Variants in CEP63 observed in about 807,000 individuals in gnomAD.
CEP63 encodes centrosomal protein of 63 kDa.
In CEP63, 84 loss-of-function variants were observed where a neutral mutation model predicts 89.1. That is an observed-to-expected ratio of 0.94 (90% CI 0.79 to 1.13). CEP63 has a LOEUF of 1.13. Among genes scored for constraint, CEP63 ranks in the 50% most tolerant of loss-of-function variants. The probability of loss-of-function intolerance (pLI) is 0.00; values close to 1 mark genes in which losing one functional copy is unlikely to be tolerated. For synonymous variants in CEP63, 267 were observed against 272.5 expected (o/e 0.98, Z 0.20); for missense variants, 838 against 813.3 (o/e 1.03, Z -0.37).
chr3:134,642,611 G>A, the CEP63 span, among the ~76,000 whole-genome samples: 1 of 152,154 alleles, frequency 6.6e-6, no homozygotes, highest in South Asian at 2.1e-4. Flanking sequence ...CCCAATGAAG[G>A]TGCCTCTCAC....
At chr3:134,591,658 C>A (rs988089996), downstream of CEP63, among the ~76,000 whole-genome samples, 1 of 151,974 alleles carries the variant, frequency 6.6e-6, no homozygotes, top group Non-Finnish European at 1.5e-5. Context: ...GAGTTCAAGA[C>A]CAGCCTGGGC....
the CEP63 span, chr3:134,627,822 C>A: frequency 6.2e-7 from 1 of 1,610,842 alleles, no homozygotes; most frequent in Non-Finnish European, 8.5e-7. Context: ...TGTAAACCTA[C>A]AATATTCCAA....
At chr3:134,628,453 G>T in the CEP63 span, among the ~76,000 whole-genome samples, 1 of 152,344 alleles carries the variant, frequency 6.6e-6, no homozygotes, top group South Asian at 2.1e-4. Flanking sequence ...GGGAGTTGAA[G>T]GTGGGGATGC....
At chr3:134,608,414 G>A in the CEP63 span, 1 of 1,487,216 alleles carries the variant, frequency 6.7e-7, no homozygotes, top group Non-Finnish European at 9.0e-7. Context: ...TTATGCTAGT[G>A]TGAGTGAGCT....
At chr3:134,690,621 A>T in the CEP63 span, among the ~76,000 whole-genome samples, 1 of 152,144 alleles carries the variant, frequency 6.6e-6, no homozygotes, top group African/African-American at 2.4e-5. Flanking sequence ...GGGACAATAG[A>T]TCTCAAACTC....
At chr3:134,598,044 C>T in the CEP63 span, 1 of 152,218 alleles carries the variant, frequency 6.6e-6, no homozygotes, top group Non-Finnish European at 1.5e-5. Flanking sequence ...CGAAGAGCCA[C>T]CCTGCATACC....
chr3:134,716,637 AG>A, the CEP63 span, among the ~76,000 whole-genome samples: 1 of 152,160 alleles, frequency 6.6e-6, no homozygotes, highest in African/African-American at 2.4e-5. Context: ...AGAGGTACAG[AG>A]GACACCTGTG....
At chr3:134,560,830 A>G (rs1321452236) in intron 14 of CEP63, among the ~76,000 whole-genome samples, 1 of 152,116 alleles carries the variant, frequency 6.6e-6, no homozygotes, top group Non-Finnish European at 1.5e-5. Flanking sequence ...ACTTTATAGA[A>G]CACAACTACT....
chr3:134,685,930 C>T, the CEP63 span, among the ~76,000 whole-genome samples: 1 of 152,234 alleles, frequency 6.6e-6, no homozygotes, highest in Non-Finnish European at 1.5e-5. Flanking sequence ...AGGGCCTACT[C>T]CATGCCAGGC....
At chr3:134,651,461 A>T in the CEP63 span, 9 of 1,013,470 alleles carry the variant, frequency 8.9e-6, no homozygotes, top group Non-Finnish European at 1.1e-5. Flanking sequence ...TAGATTCAGG[A>T]AAAGGAAAGA....
In CEP63 at chr3:134,486,452, T is replaced by G. The variant is rs538939660; in HGVS notation, c.-26+250T>G. On this transcript the variant is annotated intron_variant, in intron 1 of 14. Coordinates refer to ENST00000675561, the MANE Select transcript of CEP63 (RefSeq NM_001353108.3). ...GCCTGGCCCGCTATGCCCTGCACAC[T>G]GGCGGAGTCTGGCGTGGCGCAGCCC... 1.8e-5 allele frequency: 18 copies of G among 985,522 alleles called. No individual in the cohort carries two copies. The South Asian group carries it at 7.0e-4, about 39-fold the overall frequency. 61.0% of individuals were successfully genotyped at this position (985,522 alleles called of 1,614,324 possible).
At chr3:134,710,967 G>T in the CEP63 span, among the ~76,000 whole-genome samples, 1 of 151,934 alleles carries the variant, frequency 6.6e-6, no homozygotes, top group African/African-American at 2.4e-5. Flanking sequence ...TGATCTGCCC[G>T]CCTCAGCCTC....
At chr3:134,648,345 T>G in the CEP63 span, among the ~76,000 whole-genome samples, 3 of 152,286 alleles carry the variant, frequency 2.0e-5, no homozygotes, top group African/African-American at 7.2e-5. Context: ...CCTTCTTTTC[T>G]GCAGAGCCCC....
chr3:134,619,127 G>T, the CEP63 span: 1 of 1,587,156 alleles, frequency 6.3e-7, no homozygotes, highest in Non-Finnish European at 8.7e-7. Context: ...TGGTCAGCAT[G>T]GGGACTCCTG....
At chr3:134,570,009 C>G (rs1324828878), downstream of CEP63, among the ~76,000 whole-genome samples, 1 of 152,244 alleles carries the variant, frequency 6.6e-6, no homozygotes, top group Non-Finnish European at 1.5e-5. Context: ...ACGTTGGCCA[C>G]TTTCAGCCAC....
chr3:134,771,178 C>G, the CEP63 span, among the ~76,000 whole-genome samples: 1 of 152,168 alleles, frequency 6.6e-6, no homozygotes, highest in Admixed American at 6.5e-5. Flanking sequence ...TTGCTGGCTT[C>G]CTGAATACAG....
intron 10 of CEP63, among the ~76,000 whole-genome samples, chr3:134,585,710 G>T (rs1958469944): frequency 6.6e-6 from 1 of 152,106 alleles, no homozygotes. Context: ...TATTAGGTCT[G>T]CTTGGTGCAG....
the CEP63 span, among the ~76,000 whole-genome samples, chr3:134,768,219 T>C: frequency 6.6e-6 from 1 of 152,178 alleles, no homozygotes; most frequent in Non-Finnish European, 1.5e-5. Flanking sequence ...ATTTGCATAT[T>C]GGACAGATTC....
chr3:134,527,146 G>C (rs1195344691), intron 3 of CEP63, among the ~76,000 whole-genome samples: 2 of 152,172 alleles, frequency 1.3e-5, no homozygotes, highest in Non-Finnish European at 2.9e-5. Context: ...GCTATGCCAG[G>C]GTGCTGGTGG....
Sources: allele counts gnomAD v4.1 joint callset (sites outside exome capture counted in the v4.1 genomes callset), GRCh38; gene constraint gnomAD v4.1.1; transcripts MANE v1.5; gene names NCBI Gene and HGNC (gene_info 2026-07-23, HGNC 2026-07-21).